The following AKAP13 variants were observed in gnomAD, a reference collection of about 807,000 sequenced individuals.
The protein encoded by AKAP13 is A-kinase anchor protein 13.
In AKAP13, 80 loss-of-function variants were observed where a neutral mutation model predicts 264.5. The observed-to-expected ratio is 0.30, with a 90% CI of 0.25 to 0.36. The LOEUF (loss-of-function observed/expected upper bound fraction) is 0.36. AKAP13 is among the 10% of genes least tolerant of loss of function. AKAP13 has a pLI of 1.00. For synonymous variants in AKAP13, 1,380 were observed against 1,250.2 expected (o/e 1.10, Z -2.19); for missense variants, 3,712 against 3,435.2 (o/e 1.08, Z -2.01).
intron 10 of AKAP13, among the ~76,000 whole-genome samples, chr15:85,648,350 G>A (rs1245136173): frequency 6.6e-6 from 1 of 152,240 alleles, no homozygotes; most frequent in Admixed American, 6.5e-5. Context: ...GTGCATGACA[G>A]CTTGTGCCTG....
intron 1 of AKAP13, chr15:85,481,176 T>G (rs1475286591): frequency 1.3e-5 from 2 of 152,236 alleles, no homozygotes; most frequent in South Asian, 2.1e-4. Context: ...TCTGTGGTCC[T>G]CTATAGTGAG....
intron 5 of AKAP13, among the ~76,000 whole-genome samples, chr15:85,568,396 G>A (rs2078686501): frequency 6.6e-6 from 1 of 152,224 alleles, no homozygotes; most frequent in Non-Finnish European, 1.5e-5. Context: ...CGATCAGTAA[G>A]CCAGACCGAA....
chr15:85,418,296 G>T (rs527355624), intron 1 of AKAP13, among the ~76,000 whole-genome samples: 64 of 152,184 alleles, frequency 4.2e-4, no homozygotes, highest in African/African-American at 1.3e-3. Context: ...GCCCAGGCAG[G>T]TCTCTAACTC....
chr15:85,703,867 T>TAC (rs879942236), intron 17 of AKAP13, among the ~76,000 whole-genome samples: 18,285 of 149,948 alleles, frequency 0.12, 1,405 homozygotes, highest in East Asian at 0.2. Flanking sequence ...TATATATATA[T>TAC]ATATACACAC....
rs530733643 is a variant in AKAP13, at chr15:85,580,410, C to T, written c.2342C>T (p.Ser781Leu). ...CTGGTGCCAGACCAGGCAGTAATAT[C>T]AGACAGTACTTTCTCTCTGGCAAAC... is the stretch of plus-strand genomic sequence containing the variant. ...KELVPDQAVI[S>L]DSTFSLANSP... Residue 781 changes from serine (S) to leucine (L), a missense_variant, in exon 7 of 37, where the codon TCA (serine) becomes TTA (leucine). Transcript: ENST00000394518. The T allele has an allele frequency of 6.8e-6, 11 of 1,614,206 alleles. No individual in the cohort carries two copies. The highest frequency in any genetic ancestry group is 2.2e-5 in the East Asian group (1 of 44,890).
At chr15:85,605,331 A>G (rs988112608) in intron 8 of AKAP13, among the ~76,000 whole-genome samples, 12 of 152,198 alleles carry the variant, frequency 7.9e-5, no homozygotes, top group Non-Finnish European at 1.8e-4. Flanking sequence ...AGGGACATGG[A>G]TGGAGCTGGA....
intron 1 of AKAP13, among the ~76,000 whole-genome samples, chr15:85,388,927 C>T (rs1300990697): frequency 6.6e-6 from 1 of 152,150 alleles, no homozygotes; most frequent in Admixed American, 6.5e-5. Flanking sequence ...TTTGTTTTGG[C>T]AAGTTAAGTT....
chr15:85,620,453 C>G (rs999108248), intron 8 of AKAP13, among the ~76,000 whole-genome samples: 12 of 152,130 alleles, frequency 7.9e-5, no homozygotes, highest in African/African-American at 2.7e-4. Context: ...TTGAAAATCA[C>G]AGAGAGAGAA....
chr15:85,685,981 T>C (rs2084888088), intron 16 of AKAP13, among the ~76,000 whole-genome samples: 3 of 152,252 alleles, frequency 2.0e-5, no homozygotes, highest in Non-Finnish European at 4.4e-5. Flanking sequence ...CACTTTCTTA[T>C]ACTGATTCCC....
intron 1 of AKAP13, among the ~76,000 whole-genome samples, chr15:85,384,017 T>C (rs956617761): frequency 6.6e-6 from 1 of 152,230 alleles, no homozygotes; most frequent in African/African-American, 2.4e-5. Context: ...TAGTTTAGAA[T>C]ACTTACACTA....
intron 8 of AKAP13, chr15:85,627,660 A>G (rs1160084529): frequency 6.6e-6 from 1 of 152,206 alleles, no homozygotes; most frequent in African/African-American, 2.4e-5. Flanking sequence ...CTCAGTTTAC[A>G]TTTCTGGATA....
intron 5 of AKAP13, among the ~76,000 whole-genome samples, chr15:85,551,627 C>T (rs1478877621): frequency 6.6e-6 from 1 of 152,206 alleles, no homozygotes; most frequent in Non-Finnish European, 1.5e-5. Flanking sequence ...CACATATGTA[C>T]TGAGCAAGGT....
In AKAP13 at chr15:85,400,345, G is replaced by A. The variant is rs1596048774; in HGVS notation, c.-12+19547G>A. Among the ~76,000 whole-genome samples, 3 of 152,224 alleles carry A rather than the reference G, an allele frequency of 2.0e-5. No individual in the cohort carries two copies. The South Asian group carries it at 6.2e-4, about 32-fold the overall frequency. Reference sequence around the variant, plus strand: ...GGATCACTTGAGTCCATGAGTTAGAGGTTACAGTGAGCTATGATCACACTG... The same window carrying A: ...GGATCACTTGAGTCCATGAGTTAGAAGTTACAGTGAGCTATGATCACACTG... On this transcript the variant is annotated intron_variant, in intron 1 of 36. Transcript: ENST00000394518.
chr15:85,445,406 G>A (rs936502016), intron 1 of AKAP13, among the ~76,000 whole-genome samples: 1 of 152,126 alleles, frequency 6.6e-6, no homozygotes, highest in Admixed American at 6.6e-5. Flanking sequence ...CTTGAGACAG[G>A]AAAGAAAACC....
intron 1 of AKAP13, among the ~76,000 whole-genome samples, chr15:85,442,435 T>TAA (rs2073702562): frequency 7.8e-6 from 1 of 128,926 alleles, no homozygotes; most frequent in Non-Finnish European, 1.6e-5. Flanking sequence ...TATATATATA[T>TAA]ATAATATAAA....
chr15:85,693,549 T>A, intron 17 of AKAP13, 98 bp downstream of exon 17: 1 of 1,538,814 alleles, frequency 6.5e-7, no homozygotes, highest in Non-Finnish European at 8.7e-7. Flanking sequence ...TGTTCCTCAT[T>A]TATGTGGAGA....
rs149033874 is a variant in AKAP13 at position 85,522,191 on chromosome 15, C to T, written c.181+616C>T. 4.8e-3 allele frequency among the ~76,000 whole-genome samples: 734 copies of T among 152,132 alleles called. 6 individuals are homozygous for T. Among genetic ancestry groups the T allele is most frequent in the African/African-American group, 0.016 (683 of 41,478 alleles). On this transcript the variant is annotated intron_variant, in intron 3 of 36. Transcript: ENST00000394518. The stretch of plus-strand genomic sequence containing the variant: ...AACAGCTTCTTAACCTAGGTATAAT[C>T]GATCAGTCCGTGACTCAGTTCTCAT...
intron 1 of AKAP13, among the ~76,000 whole-genome samples, chr15:85,450,183 A>C (rs2074033243): frequency 6.6e-6 from 1 of 151,870 alleles, no homozygotes; most frequent in African/African-American, 2.4e-5. Context: ...CATCTCTTCT[A>C]GTTTTTCTAG....
intron 8 of AKAP13, among the ~76,000 whole-genome samples, chr15:85,627,190 G>C (rs976826777): frequency 2.0e-5 from 3 of 152,062 alleles, no homozygotes; most frequent in African/African-American, 4.8e-5. Context: ...TGAAGCTAGC[G>C]CCAGCCTTTC....
Sources: allele counts gnomAD v4.1 joint callset (sites outside exome capture counted in the v4.1 genomes callset), GRCh38; gene constraint gnomAD v4.1.1; transcripts MANE v1.5; gene names NCBI Gene and HGNC (gene_info 2026-07-23, HGNC 2026-07-21).